Variants in TMEM132D observed in about 807,000 individuals in gnomAD.
TMEM132D encodes the protein mature OL transmembrane protein.
A neutral mutation model predicts 62.3 loss-of-function variants in TMEM132D; 21 were observed. The ratio of observed to expected loss-of-function variants is 0.34; its 90% CI spans 0.24 to 0.49. The LOEUF is 0.49. TMEM132D is among the 20% of genes least tolerant of loss of function. The pLI is 0.99. For synonymous variants in TMEM132D, 621 were observed against 575.6 expected, an observed-to-expected ratio of 1.08 and a Z score of -1.13; for missense variants, 1,346 against 1,402.8, an observed-to-expected ratio of 0.96 and a Z score of 0.65.
chr12:129,609,494 T>G (rs1319541185), intron 2 of TMEM132D, among the ~76,000 whole-genome samples: 1 of 152,100 alleles, frequency 6.6e-6, no homozygotes, highest in Admixed American at 6.5e-5. Context: ...AAACTGACAA[T>G]GACGCAATGC....
At chr12:129,331,381 T>G (rs953439652) in intron 4 of TMEM132D, among the ~76,000 whole-genome samples, 1 of 152,172 alleles carries the variant, frequency 6.6e-6, no homozygotes, top group African/African-American at 2.4e-5. Flanking sequence ...GGGCTGGAGT[T>G]CTCCTTTGAT....
intron 1 of TMEM132D, among the ~76,000 whole-genome samples, chr12:129,851,751 G>A (rs1159913224): frequency 5.9e-5 from 9 of 152,150 alleles, no homozygotes; most frequent in African/African-American, 2.2e-4. Context: ...TATGTCAGGG[G>A]CCAGCAAACT....
At chr12:129,545,393 TTTTTC>T (rs1876704796) in intron 2 of TMEM132D, among the ~76,000 whole-genome samples, 1 of 152,144 alleles carries the variant, frequency 6.6e-6, no homozygotes, top group African/African-American at 2.4e-5. Flanking sequence ...AAGTTAGAAT[TTTTTC>T]TTTTATTTTT....
At chr12:129,184,796 AC>A (rs1243498456) in intron 5 of TMEM132D, among the ~76,000 whole-genome samples, 1 of 146,196 alleles carries the variant, frequency 6.8e-6, no homozygotes, top group Non-Finnish European at 1.5e-5. Context: ...TTAGACAATC[AC>A]CTTTGGCTGT....
chr12:129,737,985 G>A (rs1471812381), intron 1 of TMEM132D, among the ~76,000 whole-genome samples: 1 of 152,198 alleles, frequency 6.6e-6, no homozygotes, highest in Admixed American at 6.5e-5. Flanking sequence ...GTTGCCATCT[G>A]ATAATTTATA....
intron 3 of TMEM132D, among the ~76,000 whole-genome samples, chr12:129,474,558 C>CCTGA (rs144201722): frequency 0.013 from 1,926 of 152,264 alleles, 23 homozygotes; most frequent in Non-Finnish European, 0.016. Flanking sequence ...ATCTGCTGTC[C>CCTGA]CTGACTGACT....
intron 5 of TMEM132D, among the ~76,000 whole-genome samples, chr12:129,178,603 G>T (rs1359679135): frequency 1.3e-5 from 2 of 152,052 alleles, no homozygotes; most frequent in Admixed American, 1.3e-4. Context: ...GGAAAAACAA[G>T]AAACATAGGC....
chr12:129,901,098 CAG>C (rs1875337780), intron 1 of TMEM132D, among the ~76,000 whole-genome samples: 2 of 152,142 alleles, frequency 1.3e-5, no homozygotes. Context: ...TATGTGGAAA[CAG>C]ATATTTAATA....
chr12:129,178,344 C>T (rs999331191), intron 5 of TMEM132D, among the ~76,000 whole-genome samples: 1 of 152,002 alleles, frequency 6.6e-6, no homozygotes, highest in Non-Finnish European at 1.5e-5. Flanking sequence ...GAGGAATCAC[C>T]GCACTGTCTT....
In TMEM132D at chr12:129,214,000, C is replaced by T. The variant is rs1565999734; in HGVS notation, c.1300-4337G>A. On this transcript the variant is annotated intron_variant, in intron 4 of 8. Coordinates refer to ENST00000422113, the MANE Select transcript of TMEM132D (RefSeq NM_133448.3). ...ATAGTTTCGTTGAGGGCTGAGGGAGCTGGGGTATTTATACACCAAACCTAA... is the reference window on the plus strand; with the variant it reads ...ATAGTTTCGTTGAGGGCTGAGGGAGTTGGGGTATTTATACACCAAACCTAA... Among the ~76,000 whole-genome samples, 6 of 152,316 alleles carry T rather than the reference C, an allele frequency of 3.9e-5. No homozygotes were observed. The South Asian group carries it at 1.2e-3, about 32-fold the overall frequency.
chr12:129,744,807 C>T (rs558027443), intron 1 of TMEM132D, among the ~76,000 whole-genome samples: 1 of 152,256 alleles, frequency 6.6e-6, no homozygotes, highest in African/African-American at 2.4e-5. Flanking sequence ...CATGCAATGA[C>T]ACAAAGGCAA....
At chr12:129,633,660 G>C (rs546184806) in intron 2 of TMEM132D, among the ~76,000 whole-genome samples, 2 of 152,138 alleles carry the variant, frequency 1.3e-5, no homozygotes, top group African/African-American at 4.8e-5. Flanking sequence ...CATGGTGAGA[G>C]TGTGATGGAT....
intron 1 of TMEM132D, among the ~76,000 whole-genome samples, chr12:129,783,665 G>A (rs1400951764): frequency 3.9e-5 from 6 of 152,164 alleles, no homozygotes; most frequent in Non-Finnish European, 7.3e-5. Flanking sequence ...TGTTCAGAAC[G>A]TCTGCACATT....
At position 129,859,448 on chromosome 12, in the gene TMEM132D, T is replaced by C. The variant is rs191597221; in HGVS notation, c.79+43813A>G. Among the ~76,000 whole-genome samples the C allele has an allele frequency of 2.0e-5, 3 of 152,282 alleles. No individual in the cohort carries two copies. In the East Asian group the frequency reaches 5.8e-4, roughly 29 times the overall value. On this transcript the variant is annotated intron_variant, in intron 1 of 8. Coordinates refer to ENST00000422113, the MANE Select transcript of TMEM132D (RefSeq NM_133448.3). Reference sequence around the variant, plus strand: ...TTGCCAATATTTTAAAATTACAACATGTGATGGTTAATATTGGATGTCAAC... The same window carrying C: ...TTGCCAATATTTTAAAATTACAACACGTGATGGTTAATATTGGATGTCAAC...
At chr12:129,166,519 A>G (rs1446182472) in intron 5 of TMEM132D, among the ~76,000 whole-genome samples, 26 of 151,800 alleles carry the variant, frequency 1.7e-4, no homozygotes, top group Non-Finnish European at 4.4e-5. Context: ...GTTGTCAACT[A>G]ATTTAATATT....
intron 5 of TMEM132D, among the ~76,000 whole-genome samples, chr12:129,195,797 G>A (rs10744404): frequency 0.44 from 66,363 of 151,958 alleles, 14,672 homozygotes; most frequent in East Asian, 0.57. Flanking sequence ...TAAATGGATC[G>A]TGTCCATTCA....
chr12:129,306,396 A>T (rs564839869), intron 4 of TMEM132D, among the ~76,000 whole-genome samples: 1 of 152,208 alleles, frequency 6.6e-6, no homozygotes, highest in Non-Finnish European at 1.5e-5. Context: ...GCCTTCCATA[A>T]TTTACCCAAA....
At chr12:129,173,444 A>T (rs1877794951) in intron 5 of TMEM132D, among the ~76,000 whole-genome samples, 1 of 152,222 alleles carries the variant, frequency 6.6e-6, no homozygotes, top group Admixed American at 6.5e-5. Context: ...AGGCTTAAAC[A>T]GCCTCTGTCT....
At chr12:129,159,743 A>G (rs1319191548) in intron 5 of TMEM132D, among the ~76,000 whole-genome samples, 2 of 141,558 alleles carry the variant, frequency 1.4e-5, no homozygotes, top group Non-Finnish European at 3.0e-5. Context: ...CCTGGTGGAC[A>G]GTGAGACTCG....
Sources: allele counts gnomAD v4.1 joint callset (sites outside exome capture counted in the v4.1 genomes callset), GRCh38; gene constraint gnomAD v4.1.1; transcripts MANE v1.5; gene names NCBI Gene and HGNC (gene_info 2026-07-23, HGNC 2026-07-21).